The following ACOT12 variants were observed in gnomAD, a reference collection of about 807,000 sequenced individuals.
ACOT12 encodes the protein acyl-CoA thioesterase 12, also known as acetyl-coenzyme A thioesterase.
ACOT12 carries 51 observed loss-of-function variants against 67.7 expected under a neutral mutation model. The ratio of observed to expected loss-of-function variants is 0.75; its 90% CI spans 0.60 to 0.95. The LOEUF (loss-of-function observed/expected upper bound fraction) is 0.95. Among genes scored for constraint, ACOT12 ranks in the 40% least tolerant of loss-of-function variants. The pLI is 0.00. For synonymous variants in ACOT12, 251 were observed against 244.6 expected, an observed-to-expected ratio of 1.03 and a Z score of -0.24; for missense variants, 734 against 708.1, an observed-to-expected ratio of 1.04 and a Z score of -0.41.
Position 81,347,911 on chromosome 5 carries a change from C to T in ACOT12, c.516G>A (p.Glu172=). Residue 172 remains glutamate, a synonymous_variant, in exon 6 of 15, where the codon GAG becomes GAA. Transcript: ENST00000307624. The part of the protein sequence containing the change: ...SKFDDLIFDE[E]EGAVSTRGTS... Reference sequence around the variant, plus strand: ...TGCCCCTTGTGGAAACCGCTCCTTCCTCTTCATCAAAAATGAGATCTGAAA... The same window carrying T: ...TGCCCCTTGTGGAAACCGCTCCTTCTTCTTCATCAAAAATGAGATCTGAAA... 6.2e-7 allele frequency: 1 copy of T among 1,613,452 alleles called. No homozygotes were observed. Among genetic ancestry groups the T allele is most frequent in the Non-Finnish European group, 8.5e-7 (1 of 1,179,746 alleles).
At chr5:81,328,145 A>C (rs894693352), downstream of ACOT12, among the ~76,000 whole-genome samples, 13 of 152,062 alleles carry the variant, frequency 8.5e-5, no homozygotes, top group African/African-American at 3.1e-4. Context: ...AGCATGCTGC[A>C]TCCAGAGATC....
chr5:81,345,853 T>C lies in ACOT12; in HGVS notation c.773+32A>G, dbSNP rs765653400. 4.3e-6 allele frequency: 7 copies of C among 1,612,018 alleles called. No homozygotes were observed. In the East Asian group the frequency reaches 6.7e-5, roughly 15 times the overall value. ...AAAATTACATTTGTGCAAGTTTAAA[T>C]TTCTTCATAGCAGCCTAAGGGCTCA... is the stretch of plus-strand genomic sequence containing the variant. On this transcript the variant is annotated intron_variant, in intron 7 of 14. Coordinates refer to ENST00000307624, the MANE Select transcript of ACOT12 (RefSeq NM_130767.3).
intron 3 of ACOT12, among the ~76,000 whole-genome samples, chr5:81,367,298 CTTCTT>C (rs1760109395): frequency 6.6e-6 from 1 of 152,040 alleles, no homozygotes; most frequent in South Asian, 2.1e-4. Flanking sequence ...ATATAAAATA[CTTCTT>C]TTCATTTCTA....
At chr5:81,374,252 C>G (rs920414620) in intron 2 of ACOT12, among the ~76,000 whole-genome samples, 1 of 152,140 alleles carries the variant, frequency 6.6e-6, no homozygotes, top group Non-Finnish European at 1.5e-5. Context: ...ATGGGCCTGA[C>G]TGTTAGAAGG....
chr5:81,335,995 A>G, intron 11 of ACOT12, 94 bp from the exon 12 acceptor site: 1 of 1,284,280 alleles, frequency 7.8e-7, no homozygotes, highest in South Asian at 1.6e-5. Flanking sequence ...GACCAATTGC[A>G]CTAACTAAGG....
intron 12 of ACOT12, among the ~76,000 whole-genome samples, chr5:81,333,282 A>G (rs1462495907): frequency 1.3e-5 from 2 of 152,222 alleles, no homozygotes. Context: ...TAGTCAGTCC[A>G]AGAAGGATTG....
At chr5:81,316,660 C>T in the ACOT12 span, among the ~76,000 whole-genome samples, 8 of 152,198 alleles carry the variant, frequency 5.3e-5, no homozygotes, top group African/African-American at 1.7e-4. Context: ...CTATACCATT[C>T]GATAATCTAA....
At chr5:81,372,859 G>A (rs1410257102) in intron 2 of ACOT12, among the ~76,000 whole-genome samples, 1 of 152,172 alleles carries the variant, frequency 6.6e-6, no homozygotes, top group Admixed American at 6.5e-5. Context: ...CAAAACTACT[G>A]ACTTCAAGGA....
rs1270191626 is a variant in ACOT12, at chr5:81,363,689, T to C, written c.360+99A>G. 2.8e-5 allele frequency: 22 copies of C among 789,580 alleles called. No homozygotes were observed. In the South Asian group the frequency reaches 3.4e-4, roughly 12 times the overall value. 48.9% of individuals were successfully genotyped at this position (789,580 alleles called of 1,614,324 possible). A position where few individuals can be genotyped will look rare whatever the true frequency, so the allele number is the denominator to read the frequency against. ...ACAAATCTTGGGGAAGTATATCTCA[T>C]GGAAAGAAGAAGTGTCATTTTTTTC... is the stretch of plus-strand genomic sequence containing the variant. On this transcript the variant is annotated intron_variant, in intron 4 of 14. Transcript: ENST00000307624.
Position 81,332,377 on chromosome 5 carries a change from G to A in ACOT12, c.1391+100C>T, listed in dbSNP as rs1758855699. On this transcript the variant is annotated intron_variant, in intron 13 of 14. Coordinates refer to ENST00000307624, the MANE Select transcript of ACOT12 (RefSeq NM_130767.3). ...TAATTCAAATAAACATAATTCAAGA[G>A]CAGAAATATCTACACAGACTTCATT... is the stretch of plus-strand genomic sequence containing the variant. 4 of 1,286,154 alleles carry A rather than the reference G, an allele frequency of 3.1e-6. No homozygotes were observed. In the South Asian group the frequency reaches 4.8e-5, roughly 16 times the overall value. The allele number at this position is 1,286,154 out of a possible 1,614,324, so 79.7% of individuals were successfully genotyped here.
intron 2 of ACOT12, among the ~76,000 whole-genome samples, chr5:81,379,133 T>C (rs996217485): frequency 1.3e-5 from 2 of 152,094 alleles, no homozygotes; most frequent in African/African-American, 4.8e-5. Flanking sequence ...ATATACACCA[T>C]GTAATACTAT....
intron 2 of ACOT12, among the ~76,000 whole-genome samples, chr5:81,378,722 A>C (rs974816633): frequency 6.6e-6 from 1 of 152,254 alleles, no homozygotes; most frequent in Non-Finnish European, 1.5e-5. Context: ...GCCAACAAAC[A>C]TAAGAAAAAA....
At chr5:81,381,512 C>G (rs1327806808) in intron 2 of ACOT12, among the ~76,000 whole-genome samples, 3 of 152,106 alleles carry the variant, frequency 2.0e-5, no homozygotes, top group Non-Finnish European at 4.4e-5. Flanking sequence ...ATACTTTTCT[C>G]CACCTCATTT....
At chr5:81,359,248 T>G (rs990335382) in intron 5 of ACOT12, among the ~76,000 whole-genome samples, 19 of 152,066 alleles carry the variant, frequency 1.2e-4, no homozygotes, top group Admixed American at 1.2e-3. Flanking sequence ...CCGGCACCCC[T>G]TGGGGCTTCA....
At chr5:81,355,117 T>C (rs1239629809) in intron 5 of ACOT12, among the ~76,000 whole-genome samples, 1 of 152,196 alleles carries the variant, frequency 6.6e-6, no homozygotes, top group Non-Finnish European at 1.5e-5. Flanking sequence ...GCATAGTTCC[T>C]GAGAAGCATC....
At chr5:81,367,380 C>T (rs1489436534) in intron 3 of ACOT12, among the ~76,000 whole-genome samples, 1 of 151,998 alleles carries the variant, frequency 6.6e-6, no homozygotes, top group Non-Finnish European at 1.5e-5. Flanking sequence ...GGTTTACCTC[C>T]TACATATGTG....
At chr5:81,370,638 G>A (rs919140375) in intron 3 of ACOT12, among the ~76,000 whole-genome samples, 2 of 152,172 alleles carry the variant, frequency 1.3e-5, no homozygotes, top group Non-Finnish European at 2.9e-5. Context: ...GCCATGGGAG[G>A]GTAGGAGAGC....
intron 5 of ACOT12, among the ~76,000 whole-genome samples, chr5:81,356,219 A>C (rs987944984): frequency 6.6e-6 from 1 of 152,056 alleles, no homozygotes; most frequent in African/African-American, 2.4e-5. Context: ...CTAACCCCAC[A>C]CTTGCCGATG....
intron 13 of ACOT12, 130 bp from the exon 14 acceptor site, chr5:81,331,070 A>T (rs555483158): frequency 9.1e-7 from 1 of 1,102,202 alleles, no homozygotes; most frequent in African/African-American, 1.6e-5. Flanking sequence ...CTTCTAGAAG[A>T]GTGGTCTCAT....
Sources: allele counts gnomAD v4.1 joint callset (sites outside exome capture counted in the v4.1 genomes callset), GRCh38; gene constraint gnomAD v4.1.1; transcripts MANE v1.5; gene names NCBI Gene and HGNC (gene_info 2026-07-23, HGNC 2026-07-21).